The following DYNC2LI1 variants were observed in gnomAD, a reference collection of about 807,000 sequenced individuals.
DYNC2LI1 encodes the protein dynein cytoplasmic 2 light intermediate chain 1, also known as cytoplasmic dynein 2 light intermediate chain 1.
A neutral mutation model predicts 51.9 loss-of-function variants in DYNC2LI1; 45 were observed. That is an observed-to-expected ratio of 0.87 (90% CI 0.68 to 1.11). The LOEUF (loss-of-function observed/expected upper bound fraction) is 1.11. Among genes scored for constraint, DYNC2LI1 ranks in the 50% most tolerant of loss-of-function variants. The pLI, the probability that DYNC2LI1 is intolerant of heterozygous loss-of-function variation, is 0.00. For missense variants in DYNC2LI1, 490 were observed against 417.4 expected (o/e 1.17, Z -1.51); for synonymous variants, 130 against 137.8 (o/e 0.94, Z 0.40).
the DYNC2LI1 span, chr2:43,819,940 C>A: frequency 1.2e-6 from 2 of 1,614,098 alleles, no homozygotes; most frequent in African/African-American, 2.7e-5. Flanking sequence ...CCAACAAGCA[C>A]CCCCGCAATG....
At chr2:43,822,485 C>CCA in the DYNC2LI1 span, 8 of 925,856 alleles carry the variant, frequency 8.6e-6, no homozygotes, top group Non-Finnish European at 2.6e-6. Context: ...CAGGCCCCCC[C>CCA]CCATGCACCT....
the DYNC2LI1 span, chr2:43,822,465 T>TC: frequency 1.2e-6 from 1 of 842,970 alleles, no homozygotes; most frequent in Non-Finnish European, 1.4e-6. Context: ...GGCTGCTTTC[T>TC]CCCCTCCCCC....
At position 43,805,414 on chromosome 2, in the gene DYNC2LI1, G is replaced by A. The variant is rs1166677763; in HGVS notation, c.993+168G>A. On this transcript the variant is annotated intron_variant, in intron 12 of 12. Transcript: ENST00000260605. ...TTAAATAACACACTAATAGTATACT[G>A]TAGAAAAAATAAAAATTTGATATGA... The A allele has an allele frequency of 1.6e-5, 6 of 369,556 alleles. No homozygotes were observed. The East Asian group carries it at 2.1e-4, about 13-fold the overall frequency. 22.9% of individuals were successfully genotyped at this position (369,556 alleles called of 1,614,324 possible).
intron 12 of DYNC2LI1, among the ~76,000 whole-genome samples, chr2:43,806,913 C>A (rs1364039401): frequency 1.3e-5 from 2 of 151,964 alleles, no homozygotes; most frequent in South Asian, 2.1e-4. Context: ...TTTAACCTAC[C>A]TGAAAAGTTA....
the DYNC2LI1 span, chr2:43,823,005 C>A: frequency 1.9e-6 from 3 of 1,589,348 alleles, no homozygotes; most frequent in Non-Finnish European, 2.6e-6. Flanking sequence ...CTAGCCCAAG[C>A]TGAATGTGAG....
chr2:43,820,118 C>CT, the DYNC2LI1 span: 1 of 1,610,080 alleles, frequency 6.2e-7, no homozygotes, highest in East Asian at 2.2e-5. Context: ...AGCATAAGCT[C>CT]TTTAGTTTCC....
At position 43,794,503 on chromosome 2, in the gene DYNC2LI1, C is replaced by G. The variant is rs762199372; in HGVS notation, c.367C>G (p.Leu123Val). The G allele has an allele frequency of 4.3e-6, 7 of 1,613,782 alleles. No individual in the cohort carries two copies. The highest frequency in any genetic ancestry group is 1.3e-5 in the African/African-American group (1 of 74,888). Residue 123 changes from leucine (L) to valine (V), a missense_variant, in exon 6 of 13, where the codon CTC becomes GTC. Coordinates refer to ENST00000260605, the MANE Select transcript of DYNC2LI1 (RefSeq NM_016008.4). ...LVLDLSKPND[L>V]WPTMENLLQA... Reference sequence around the variant, plus strand: ...TCTGGATCTTTCAAAACCTAATGATCTCTGGCCCACCATGGAAAATCTCTT... The same window carrying G: ...TCTGGATCTTTCAAAACCTAATGATGTCTGGCCCACCATGGAAAATCTCTT...
the DYNC2LI1 span, chr2:43,824,398 T>C: frequency 1.4e-5 from 22 of 1,614,038 alleles, no homozygotes; most frequent in South Asian, 2.3e-4. Flanking sequence ...CTATTTCCCG[T>C]TCCTTGCTTT....
At chr2:43,803,310 A>G (rs1404672825) in intron 10 of DYNC2LI1, among the ~76,000 whole-genome samples, 1 of 152,214 alleles carries the variant, frequency 6.6e-6, no homozygotes, top group African/African-American at 2.4e-5. Context: ...CAACTGTGGT[A>G]CATCTGTACC....
At position 43,797,451 on chromosome 2, in the gene DYNC2LI1, T is replaced by C. The variant is rs575951452; in HGVS notation, c.654+656T>C. On this transcript the variant is annotated intron_variant, in intron 8 of 12. Transcript: ENST00000260605. ...AATGTTGGTTATTATATCACTGTTA[T>C]CATTATCTCCCATAGCAGGACTAAA... 4.0e-5 allele frequency among the ~76,000 whole-genome samples: 6 copies of C among 151,816 alleles called. No individual in the cohort carries two copies. In the South Asian group the frequency reaches 1.0e-3, roughly 26 times the overall value.
intron 6 of DYNC2LI1, chr2:43,794,919 T>C (rs986073760): frequency 1.2e-5 from 16 of 1,347,614 alleles, no homozygotes; most frequent in African/African-American, 1.0e-4. Context: ...TGGTTTGATA[T>C]TGATTTTATA....
intron 5 of DYNC2LI1, among the ~76,000 whole-genome samples, chr2:43,790,499 G>A (rs113037581): frequency 0.011 from 1,727 of 151,514 alleles, 36 homozygotes; most frequent in African/African-American, 0.038. Context: ...TAATGGGACC[G>A]TTGTTTTTCT....
intron 8 of DYNC2LI1, among the ~76,000 whole-genome samples, chr2:43,799,546 A>G (rs1666005928): frequency 6.6e-6 from 1 of 152,262 alleles, no homozygotes; most frequent in Non-Finnish European, 1.5e-5. Flanking sequence ...AGTTTACTCA[A>G]AATATGAAAG....
At chr2:43,813,151 C>G (rs370772513), downstream of DYNC2LI1, 1 of 1,457,440 alleles carries the variant, frequency 6.9e-7, no homozygotes. Context: ...ATTTTGAAAA[C>G]AACTATTCCT....
the DYNC2LI1 span, chr2:43,828,050 G>T: frequency 6.2e-7 from 1 of 1,614,120 alleles, no homozygotes; most frequent in Admixed American, 1.7e-5. Context: ...TGCCCCCCAA[G>T]CTGTAGTTGC....
intron 3 of DYNC2LI1, among the ~76,000 whole-genome samples, chr2:43,786,718 C>T (rs1673536402): frequency 6.6e-6 from 1 of 152,070 alleles, no homozygotes; most frequent in African/African-American, 2.4e-5. Flanking sequence ...CCCAGCTACT[C>T]GGGAGGCTGA....
chr2:43,799,433 C>T (rs1461204322), intron 8 of DYNC2LI1, among the ~76,000 whole-genome samples: 2 of 152,142 alleles, frequency 1.3e-5, no homozygotes, highest in African/African-American at 4.8e-5. Flanking sequence ...GAGAATATCA[C>T]CTAAAATGTG....
At position 43,794,442 on chromosome 2, in the gene DYNC2LI1, T is replaced by C. The variant is rs767566586; in HGVS notation, c.321-15T>C. 1 of 1,586,662 alleles carries C rather than the reference T, an allele frequency of 6.3e-7. No homozygotes were observed. The highest frequency in any genetic ancestry group is 8.6e-7 in the Non-Finnish European group (1 of 1,168,050). Reference sequence around the variant, plus strand: ...TATTTTGAGTCTTTTTTGAAAAGTGTTTTTATTTCTTTAGGACGTTTTCTC... The same window carrying C: ...TATTTTGAGTCTTTTTTGAAAAGTGCTTTTATTTCTTTAGGACGTTTTCTC... On this transcript the variant is annotated splice_polypyrimidine_tract_variant and intron_variant, in intron 5 of 12. Coordinates refer to ENST00000260605, the MANE Select transcript of DYNC2LI1 (RefSeq NM_016008.4).
At chr2:43,817,881 G>T in the DYNC2LI1 span, among the ~76,000 whole-genome samples, 2 of 152,134 alleles carry the variant, frequency 1.3e-5, no homozygotes, top group African/African-American at 4.8e-5. Flanking sequence ...CTGCATTCCA[G>T]CCTGGGTGAC....
Sources: gnomAD v4.1 joint callset for allele counts (sites outside exome capture counted in the v4.1 genomes callset) on GRCh38, gnomAD v4.1.1 for gene constraint, MANE v1.5 for transcripts, NCBI Gene and HGNC (gene_info 2026-07-23, HGNC 2026-07-21) for gene names.